ABCG1: variants seen among roughly 807,000 people sequenced by gnomAD.
ABCG1 encodes the protein ATP-binding cassette sub-family G member 1.
Under a neutral mutation model 69.2 loss-of-function variants are expected in ABCG1, and 29 were observed. The ratio of observed to expected loss-of-function variants is 0.42; its 90% CI spans 0.31 to 0.57. ABCG1 has a LOEUF of 0.57. ABCG1 is among the 20% of genes least tolerant of loss of function. The pLI is 0.15. For missense variants in ABCG1, 718 were observed against 898.1 expected (o/e 0.80, Z 2.56); for synonymous variants, 370 against 374.8 (o/e 0.99, Z 0.15).
At chr21:42,220,731 G>C (rs1322681488) in intron 1 of ABCG1, among the ~76,000 whole-genome samples, 1 of 152,240 alleles carries the variant, frequency 6.6e-6, no homozygotes, top group African/African-American at 2.4e-5. Context: ...CTTTTCTCTG[G>C]TTGAATCTTT....
intron 8 of ABCG1, among the ~76,000 whole-genome samples, chr21:42,286,828 A>G (rs1209741371): frequency 6.6e-6 from 1 of 152,166 alleles, no homozygotes; most frequent in Admixed American, 6.5e-5. Flanking sequence ...CATTTCCTCA[A>G]TGTCGTCTGA....
chr21:42,228,320 C>G (rs3787967), intron 2 of ABCG1, among the ~76,000 whole-genome samples: 75,956 of 151,640 alleles, frequency 0.5, 20,984 homozygotes, highest in African/African-American at 0.75. Context: ...GATATGTCTG[C>G]TGTGTTCCAG....
chr21:42,285,617 G>A (rs532274536), intron 7 of ABCG1, among the ~76,000 whole-genome samples: 333 of 152,286 alleles, frequency 2.2e-3, no homozygotes, highest in Non-Finnish European at 4.0e-3. Context: ...TTCTGAGCAG[G>A]GGGTTAGCAT....
chr21:42,275,760 T>C (rs1442413394), intron 4 of ABCG1, among the ~76,000 whole-genome samples: 2 of 152,264 alleles, frequency 1.3e-5, no homozygotes, highest in Non-Finnish European at 2.9e-5. Flanking sequence ...CATGAGGCCC[T>C]GGAGAAATAC....
chr21:42,244,682 G>A (rs1368318446), intron 2 of ABCG1, among the ~76,000 whole-genome samples: 1 of 152,186 alleles, frequency 6.6e-6, no homozygotes, highest in Non-Finnish European at 1.5e-5. Context: ...GGCAGTGGTC[G>A]TCTGAGAATG....
In ABCG1 at chr21:42,219,279, C is replaced by A. The variant is rs2067682076; in HGVS notation, c.17C>A (p.Ala6Asp). 2 of 1,589,974 alleles carry A rather than the reference C, an allele frequency of 1.3e-6. No individual in the cohort carries two copies. The highest frequency in any genetic ancestry group is 1.7e-6 in the Non-Finnish European group (2 of 1,173,368). Reference sequence around the variant, plus strand: ...CCCCGGGGCATGGCCTGTCTGATGGCCGCTTTCTCGGTCGGCACCGCCATG... The same window carrying A: ...CCCCGGGGCATGGCCTGTCTGATGGACGCTTTCTCGGTCGGCACCGCCATG... MACLMAAFSVGTAMNA... is the reference protein window; with the variant it reads MACLMDAFSVGTAMNA... The change falls in exon 1 of 15, where the codon GCC becomes GAC. Residue 6 changes from alanine to aspartate, a missense_variant. Physicochemically the swap from Ala to Asp is moderately radical, Grantham distance 126 (BLOSUM62 -2). This residue lies in a region of ABCG1 where 514 missense variants were observed against 574.3 expected (regional missense o/e 0.90). Transcript: ENST00000398449. This position sits in a 1 kb window ranked among gnomAD's most constrained non-coding sequence, Gnocchi z 5.3.
chr21:42,237,675 A>G (rs2067996927), intron 2 of ABCG1, among the ~76,000 whole-genome samples: 1 of 152,254 alleles, frequency 6.6e-6, no homozygotes, highest in African/African-American at 2.4e-5. Flanking sequence ...ACCCTCAAAG[A>G]CAGCTTGGTA....
At chr21:42,278,358 T>G (rs1201504233) in intron 5 of ABCG1, among the ~76,000 whole-genome samples, 1 of 152,134 alleles carries the variant, frequency 6.6e-6, no homozygotes, top group African/African-American at 2.4e-5. Context: ...AAGATGAGTG[T>G]TATGGCCTGA....
Position 42,219,803 on chromosome 21 carries a change from C to A in ABCG1, c.42+499C>A, listed in dbSNP as rs143373044. ...AGGTCTGGGGGAACAAAAGAGGAAG[C>A]TGCCCCCAGAGAGCCGGAGCCTGCG... On this transcript the variant is annotated intron_variant, in intron 1 of 14. Transcript: ENST00000398449. The surrounding 1 kb of genome is among the most constrained non-coding windows in gnomAD (Gnocchi z 5.3). The A allele has an allele frequency of 6.5e-4, 923 of 1,429,486 alleles. 7 individuals carry two copies. In the African/African-American group the frequency reaches 0.012, roughly 18 times the overall value. 88.6% of individuals were successfully genotyped at this position (1,429,486 alleles called of 1,614,324 possible). A position where few individuals can be genotyped will look rare whatever the true frequency, so the allele number is the denominator to read the frequency against.
chr21:42,237,151 T>C (rs1377617025), intron 2 of ABCG1, among the ~76,000 whole-genome samples: 2 of 152,224 alleles, frequency 1.3e-5, no homozygotes, highest in African/African-American at 4.8e-5. Flanking sequence ...CAGCATCATT[T>C]TGTCACCTTC....
intron 5 of ABCG1, among the ~76,000 whole-genome samples, chr21:42,277,856 G>A (rs985107272): frequency 2.6e-5 from 4 of 152,110 alleles, no homozygotes; most frequent in Non-Finnish European, 4.4e-5. Context: ...TTCTATTTCC[G>A]GCATTTCCCC....
intron 2 of ABCG1, among the ~76,000 whole-genome samples, chr21:42,232,936 A>G (rs2067921544): frequency 6.6e-6 from 1 of 152,224 alleles, no homozygotes; most frequent in South Asian, 2.1e-4. Context: ...GTCAGATTAA[A>G]TATATCCTGA....
intron 2 of ABCG1, among the ~76,000 whole-genome samples, chr21:42,235,708 T>C (rs1380395842): frequency 6.6e-6 from 1 of 152,220 alleles, no homozygotes; most frequent in Non-Finnish European, 1.5e-5. Flanking sequence ...CTAGGTTGTA[T>C]CATGCGGATG....
At chr21:42,228,014 G>A (rs183611816) in intron 2 of ABCG1, among the ~76,000 whole-genome samples, 31 of 152,284 alleles carry the variant, frequency 2.0e-4, no homozygotes, top group African/African-American at 7.2e-4. Context: ...TGAGATTTGG[G>A]TGGGGACACA....
At chr21:42,282,135 G>T in intron 5 of ABCG1, 139 bp from the exon 6 acceptor site, 1 of 1,216,384 alleles carries the variant, frequency 8.2e-7, no homozygotes, top group Non-Finnish European at 1.1e-6. Context: ...GAGTGGGTTC[G>T]ACTTGCGTGG....
chr21:42,238,232 T>G (rs943850385), intron 2 of ABCG1, among the ~76,000 whole-genome samples: 4 of 152,222 alleles, frequency 2.6e-5, no homozygotes, highest in Non-Finnish European at 5.9e-5. Flanking sequence ...CCATTCTTTT[T>G]GAGGGAGGAA....
intron 2 of ABCG1, among the ~76,000 whole-genome samples, chr21:42,270,282 G>A (rs996713476): frequency 7.6e-4 from 75 of 99,084 alleles, no homozygotes; most frequent in African/African-American, 1.6e-3. Flanking sequence ...AAAAAAAAAA[G>A]TGCCCCTGGA....
chr21:42,210,326 G>A (rs2067576499), intron 2 of ABCG1, among the ~76,000 whole-genome samples: 1 of 152,152 alleles, frequency 6.6e-6, no homozygotes, highest in African/African-American at 2.4e-5. Context: ...AGGTTCCTTG[G>A]AGGAAACGTG....
At chr21:42,218,051 G>A (rs2067662049), upstream of ABCG1, among the ~76,000 whole-genome samples, 1 of 152,102 alleles carries the variant, frequency 6.6e-6, no homozygotes, top group Non-Finnish European at 1.5e-5. Flanking sequence ...TCTCTCCTTC[G>A]ATTTGAGCGG....
Sources: allele counts gnomAD v4.1 joint callset (sites outside exome capture counted in the v4.1 genomes callset), GRCh38; gene constraint gnomAD v4.1.1; regional missense constraint gnomAD v4.1.1; non-coding constraint Gnocchi (gnomAD v3.1); transcripts MANE v1.5; gene names NCBI Gene and HGNC (gene_info 2026-07-23, HGNC 2026-07-21).